The following CDYL2 variants were observed in gnomAD, a reference collection of about 807,000 sequenced individuals.
CDYL2 encodes the protein chromodomain Y-like protein 2.
In CDYL2, 23 loss-of-function variants were observed where a neutral mutation model predicts 49.4. The observed-to-expected ratio is 0.47, with a 90% CI of 0.34 to 0.66. The LOEUF is 0.66. Ranked by LOEUF, CDYL2 falls within the 30% of genes least tolerant of loss-of-function variation. The pLI is 0.01. For synonymous variants in CDYL2, 360 were observed against 268.8 expected, an observed-to-expected ratio of 1.34 and a Z score of -3.32; for missense variants, 678 against 656.4, an observed-to-expected ratio of 1.03 and a Z score of -0.36.
At chr16:80,768,089 C>A (rs985911014) in intron 1 of CDYL2, among the ~76,000 whole-genome samples, 1 of 152,170 alleles carries the variant, frequency 6.6e-6, no homozygotes, top group Non-Finnish European at 1.5e-5. Context: ...AGCCCATTCC[C>A]CCACTGCCAC....
At chr16:80,737,132 G>C (rs1010080248) in intron 1 of CDYL2, among the ~76,000 whole-genome samples, 5 of 152,144 alleles carry the variant, frequency 3.3e-5, no homozygotes, top group African/African-American at 1.2e-4. Flanking sequence ...TCTTGAAATT[G>C]AGCCTCACAA....
At chr16:80,617,198 C>T (rs1322701460) in intron 4 of CDYL2, among the ~76,000 whole-genome samples, 1 of 152,210 alleles carries the variant, frequency 6.6e-6, no homozygotes, top group African/African-American at 2.4e-5. Flanking sequence ...AGTCACCAGT[C>T]CCAGTCACGT....
intron 1 of CDYL2, among the ~76,000 whole-genome samples, chr16:80,692,854 C>G (rs1018699759): frequency 6.6e-6 from 1 of 152,100 alleles, no homozygotes; most frequent in Admixed American, 6.5e-5. Context: ...CAAGAAAGAA[C>G]ACACGCCCAT....
intron 1 of CDYL2, among the ~76,000 whole-genome samples, chr16:80,753,339 T>TTGATTACA: frequency 6.6e-6 from 1 of 151,622 alleles, no homozygotes; most frequent in African/African-American, 2.4e-5. Flanking sequence ...CCGGGCACGG[T>TTGATTACA]GGCTCACACC....
At chr16:80,616,603 CCAAA>C (rs1204716499) in intron 4 of CDYL2, among the ~76,000 whole-genome samples, 8 of 152,168 alleles carry the variant, frequency 5.3e-5, no homozygotes, top group Non-Finnish European at 7.3e-5. Context: ...CAGTACGGGA[CCAAA>C]CAGTGACCAC....
intron 1 of CDYL2, among the ~76,000 whole-genome samples, chr16:80,699,860 C>T (rs1904291774): frequency 6.6e-6 from 1 of 151,506 alleles, no homozygotes; most frequent in Admixed American, 6.6e-5. Flanking sequence ...ATTAGAATGA[C>T]CAAAACAATT....
At chr16:80,625,315 T>C (rs755878084) in intron 3 of CDYL2, among the ~76,000 whole-genome samples, 5 of 152,208 alleles carry the variant, frequency 3.3e-5, no homozygotes, top group Admixed American at 6.5e-5. Flanking sequence ...AAGGCAATAA[T>C]GCCGAGCTGG....
At chr16:80,795,084 C>T (rs1312643496) in intron 1 of CDYL2, among the ~76,000 whole-genome samples, 2 of 152,092 alleles carry the variant, frequency 1.3e-5, no homozygotes, top group African/African-American at 2.4e-5. Flanking sequence ...GTTAGTAAGG[C>T]CCCTTAGGAC....
chr16:80,636,637 A>G (rs1163125953), intron 2 of CDYL2, among the ~76,000 whole-genome samples: 1 of 152,202 alleles, frequency 6.6e-6, no homozygotes, highest in Non-Finnish European at 1.5e-5. Flanking sequence ...ATTGTGGAAG[A>G]CAGTGTGGCG....
rs1171816401 is a variant in CDYL2 at position 80,804,133 on chromosome 16, C to T, written c.24+17G>A. 1.7e-6 allele frequency: 2 copies of T among 1,185,036 alleles called. No individual in the cohort carries two copies. The highest frequency in any genetic ancestry group is 1.7e-5 in the African/African-American group (1 of 60,510). The allele number at this position is 1,185,036 out of a possible 1,614,324, so 73.4% of individuals were successfully genotyped here. On this transcript the variant is annotated intron_variant, in intron 1 of 6. Transcript: ENST00000570137. ...GCCCGCTGACTGGGGCCGGCCCGCG[C>T]CCCCGCGTCCCCGTACCTCGTAAAG...
intron 2 of CDYL2, among the ~76,000 whole-genome samples, chr16:80,661,470 C>T (rs972549191): frequency 3.3e-5 from 5 of 152,176 alleles, no homozygotes; most frequent in Non-Finnish European, 5.9e-5. Context: ...CTCATTCCAT[C>T]CTCATCACGA....
Position 80,604,309 on chromosome 16 carries a change from T to C in CDYL2, c.*79A>G, listed in dbSNP as rs1215146360. 5 of 1,516,970 alleles carry C rather than the reference T, an allele frequency of 3.3e-6. No homozygotes were observed. The highest frequency in any genetic ancestry group is 4.5e-6 in the Non-Finnish European group (5 of 1,102,870). 94.0% of individuals were successfully genotyped at this position (1,516,970 alleles called of 1,614,324 possible). A position where few individuals can be genotyped will look rare whatever the true frequency, so the allele number is the denominator to read the frequency against. The stretch of plus-strand genomic sequence containing the variant: ...TAAAGAGACACCTTGACAAACTCCT[T>C]GGCCGGGGCAGACACTGTGCTCTGG... On this transcript the variant is annotated 3_prime_UTR_variant, in exon 7 of 7. Coordinates refer to ENST00000570137, the MANE Select transcript of CDYL2 (RefSeq NM_152342.4).
intron 1 of CDYL2, among the ~76,000 whole-genome samples, chr16:80,714,409 T>C (rs1324638141): frequency 6.6e-6 from 1 of 152,182 alleles, no homozygotes; most frequent in African/African-American, 2.4e-5. Context: ...TGCTATACAT[T>C]GTATACACAT....
chr16:80,648,365 A>T (rs1401594151), intron 2 of CDYL2, among the ~76,000 whole-genome samples: 1 of 152,162 alleles, frequency 6.6e-6, no homozygotes, highest in Non-Finnish European at 1.5e-5. Flanking sequence ...AGTGGCTACT[A>T]TGAGCAATTA....
intron 2 of CDYL2, among the ~76,000 whole-genome samples, chr16:80,672,318 T>TACACACACAC (rs68135845): frequency 1.6e-5 from 2 of 126,864 alleles, no homozygotes; most frequent in African/African-American, 2.8e-5. Flanking sequence ...TACAAAATGT[T>TACACACACAC]ACACACACAC....
chr16:80,710,811 G>A (rs1904570931), intron 1 of CDYL2, among the ~76,000 whole-genome samples: 1 of 152,088 alleles, frequency 6.6e-6, no homozygotes, highest in African/African-American at 2.4e-5. Flanking sequence ...ACCAAGAAGT[G>A]TTTTGAATAT....
chr16:80,757,927 C>T (rs1314041947), intron 1 of CDYL2, among the ~76,000 whole-genome samples: 1 of 151,892 alleles, frequency 6.6e-6, no homozygotes, highest in African/African-American at 2.4e-5. Context: ...AAAATTGACT[C>T]CATAAATTCA....
In CDYL2 at chr16:80,601,376, T is replaced by C. The variant is rs1906075517; in HGVS notation, c.*3012A>G. The C allele has an allele frequency of 6.6e-6, 1 of 152,198 alleles. No individual in the cohort carries two copies. The highest frequency in any genetic ancestry group is 1.5e-5 in the Non-Finnish European group (1 of 68,062). 9.4% of individuals were successfully genotyped at this position (152,198 alleles called of 1,614,324 possible). Reference sequence around the variant, plus strand: ...GTCCTCAATTGCCCACCCACAGCTATTCTTTCAAACCCAAAGGTAATTGCA... The same window carrying C: ...GTCCTCAATTGCCCACCCACAGCTACTCTTTCAAACCCAAAGGTAATTGCA... On this transcript the variant is annotated 3_prime_UTR_variant, in exon 7 of 7. Transcript: ENST00000570137.
At chr16:80,775,992 G>A (rs889102580) in intron 1 of CDYL2, among the ~76,000 whole-genome samples, 2 of 151,710 alleles carry the variant, frequency 1.3e-5, no homozygotes, top group Non-Finnish European at 2.9e-5. Context: ...AAGAAGTTAC[G>A]TATATGTCAT....
Sources: gnomAD v4.1 joint callset for allele counts (sites outside exome capture counted in the v4.1 genomes callset) on GRCh38, gnomAD v4.1.1 for gene constraint, MANE v1.5 for transcripts, NCBI Gene and HGNC (gene_info 2026-07-23, HGNC 2026-07-21) for gene names.